The following RAB38 variants were observed in gnomAD, a reference collection of about 807,000 sequenced individuals.
The protein encoded by RAB38 is ras-related protein Rab-38.
Under a neutral mutation model 18.4 loss-of-function variants are expected in RAB38, and 15 were observed. The ratio of observed to expected loss-of-function variants is 0.82; its 90% CI spans 0.55 to 1.26. The LOEUF is 1.26. Among genes scored for constraint, RAB38 ranks in the 50% most tolerant of loss-of-function variants. The pLI is 0.00. For missense variants in RAB38, 294 were observed against 267.4 expected, an observed-to-expected ratio of 1.10 and a Z score of -0.69; for synonymous variants, 101 against 104.4, an observed-to-expected ratio of 0.97 and a Z score of 0.20.
At chr11:88,173,418 T>C (rs1007686986) in intron 1 of RAB38, among the ~76,000 whole-genome samples, 1 of 152,158 alleles carries the variant, frequency 6.6e-6, no homozygotes, top group Non-Finnish European at 1.5e-5. Flanking sequence ...TTACCTAAGA[T>C]TGCCTACTAC....
the RAB38 span, among the ~76,000 whole-genome samples, chr11:87,893,323 C>CATAT: frequency 7.4e-6 from 1 of 134,974 alleles, no homozygotes; most frequent in Non-Finnish European, 1.6e-5. Context: ...CACACACATA[C>CATAT]ATATATATAT....
chr11:88,126,023 T>C (rs1317486965), intron 2 of RAB38, among the ~76,000 whole-genome samples: 3 of 152,226 alleles, frequency 2.0e-5, no homozygotes, highest in Non-Finnish European at 2.9e-5. Context: ...ACCAGATAGT[T>C]GTAGATATGT....
chr11:87,925,337 T>G, the RAB38 span, among the ~76,000 whole-genome samples: 4 of 152,182 alleles, frequency 2.6e-5, no homozygotes, highest in South Asian at 8.3e-4. Context: ...AAGGAATTTA[T>G]TTTTCTACGA....
chr11:88,143,277 A>G (rs1246349071), intron 2 of RAB38, among the ~76,000 whole-genome samples: 7 of 152,272 alleles, frequency 4.6e-5, no homozygotes, highest in Admixed American at 1.3e-4. Context: ...AGCCACTAGC[A>G]GAGTGGTTGG....
At chr11:87,906,919 T>A in the RAB38 span, among the ~76,000 whole-genome samples, 1 of 152,000 alleles carries the variant, frequency 6.6e-6, no homozygotes, top group Non-Finnish European at 1.5e-5. Flanking sequence ...TTGGTATAAA[T>A]GTAACAAAAT....
chr11:88,143,129 T>C (rs188093150), intron 2 of RAB38, among the ~76,000 whole-genome samples: 1 of 152,396 alleles, frequency 6.6e-6, no homozygotes, highest in Non-Finnish European at 1.5e-5. Flanking sequence ...CTTGAAATCC[T>C]GACTCTTTGA....
At chr11:88,112,568 C>T (rs56814464), downstream of RAB38, among the ~76,000 whole-genome samples, 11,227 of 152,080 alleles carry the variant, frequency 0.074, 714 homozygotes, top group African/African-American at 0.17. Flanking sequence ...AAGTCAAGAC[C>T]CTTACAGGAA....
the RAB38 span, among the ~76,000 whole-genome samples, chr11:88,072,967 A>C: frequency 6.6e-6 from 1 of 151,898 alleles, no homozygotes; most frequent in Non-Finnish European, 1.5e-5. Flanking sequence ...AACTGAAAAA[A>C]CTCAGAGCGA....
chr11:87,851,992 T>C, the RAB38 span, among the ~76,000 whole-genome samples: 4 of 152,132 alleles, frequency 2.6e-5, no homozygotes, highest in Non-Finnish European at 5.9e-5. Flanking sequence ...TTAAACTATA[T>C]TTTTTATGCT....
chr11:88,070,442 T>G, the RAB38 span, among the ~76,000 whole-genome samples: 1 of 152,198 alleles, frequency 6.6e-6, no homozygotes, highest in African/African-American at 2.4e-5. Flanking sequence ...GCTTCATTCT[T>G]GAAGTCAGTG....
intron 2 of RAB38, among the ~76,000 whole-genome samples, chr11:88,118,180 T>C (rs915410497): frequency 4.6e-5 from 7 of 152,300 alleles, no homozygotes; most frequent in Admixed American, 2.6e-4. Flanking sequence ...AGGAACACAA[T>C]GGGCAGAGCA....
the RAB38 span, among the ~76,000 whole-genome samples, chr11:88,005,699 C>G: frequency 6.7e-6 from 1 of 148,564 alleles, no homozygotes; most frequent in Admixed American, 6.9e-5. Flanking sequence ...GAGCTTTTCC[C>G]TGTTTTTTAC....
the RAB38 span, among the ~76,000 whole-genome samples, chr11:88,006,005 G>A: frequency 6.6e-6 from 1 of 151,370 alleles, no homozygotes; most frequent in African/African-American, 2.4e-5. Context: ...ACAACTGACA[G>A]AATAGAAGAA....
the RAB38 span, among the ~76,000 whole-genome samples, chr11:88,039,364 T>A: frequency 0.69 from 104,779 of 151,778 alleles, 36,381 homozygotes; most frequent in East Asian, 0.76. Context: ...ACTTTTTTTT[T>A]ATGATAGAAC....
chr11:87,976,397 ATATT>A, the RAB38 span, among the ~76,000 whole-genome samples: 2 of 126,466 alleles, frequency 1.6e-5, no homozygotes, highest in Non-Finnish European at 3.2e-5. Context: ...ATATATACAC[ATATT>A]TATATATTTA....
chr11:87,905,629 G>T, the RAB38 span, among the ~76,000 whole-genome samples: 3 of 151,822 alleles, frequency 2.0e-5, no homozygotes, highest in African/African-American at 4.8e-5. Context: ...TTTCAACAAG[G>T]TCTCTCTATT....
chr11:87,883,342 T>C, the RAB38 span, among the ~76,000 whole-genome samples: 1 of 151,930 alleles, frequency 6.6e-6, no homozygotes, highest in African/African-American at 2.4e-5. Context: ...TTGAGAATTA[T>C]AGGACTTCAG....
chr11:87,953,181 G>A, the RAB38 span, among the ~76,000 whole-genome samples: 2 of 152,080 alleles, frequency 1.3e-5, no homozygotes, highest in South Asian at 4.1e-4. Context: ...ATACAAGCTA[G>A]ATAAAGTCAT....
chr11:88,025,083 C>A, the RAB38 span, among the ~76,000 whole-genome samples: 1 of 151,732 alleles, frequency 6.6e-6, no homozygotes, highest in Non-Finnish European at 1.5e-5. Context: ...TTCCATGATG[C>A]GATTATTACA....
Sources: gnomAD v4.1 joint callset for allele counts (sites outside exome capture counted in the v4.1 genomes callset) on GRCh38, gnomAD v4.1.1 for gene constraint, MANE v1.5 for transcripts, NCBI Gene and HGNC (gene_info 2026-07-23, HGNC 2026-07-21) for gene names.